Variants in CDK8 observed in about 807,000 individuals in gnomAD.
CDK8 encodes the protein cyclin dependent kinase 8.
A neutral mutation model predicts 71.5 loss-of-function variants in CDK8; 29 were observed. The observed-to-expected ratio is 0.41, with a 90% confidence interval of 0.30 to 0.55. The LOEUF (loss-of-function observed/expected upper bound fraction) is 0.55, where lower values mean the gene tolerates loss of function less well. Ranked by LOEUF, CDK8 falls within the 20% of genes least tolerant of loss-of-function variation. The probability of loss-of-function intolerance (pLI) is 0.37; values close to 1 mark genes in which losing one functional copy is unlikely to be tolerated. For missense variants in CDK8, 288 were observed against 572.6 expected, an observed-to-expected ratio of 0.50 and a Z score of 5.07; for synonymous variants, 161 against 192.1, an observed-to-expected ratio of 0.84 and a Z score of 1.34.
intron 9 of CDK8, chr13:26,400,212 C>T: frequency 4.7e-6 from 2 of 422,288 alleles, no homozygotes; most frequent in Non-Finnish European, 8.5e-6. Context: ...GGTGGGGATC[C>T]ATTTGTTTAG....
Position 26,283,674 on chromosome 13 carries a change from C to T in CDK8, c.128+28905C>T, listed in dbSNP as rs968171926. On this transcript the variant is annotated intron_variant, in intron 1 of 12. Transcript: ENST00000381527. The stretch of plus-strand genomic sequence containing the variant: ...CAGCACTTTGGGAGGCTGAGGCGGG[C>T]GGATCACAAGGTCAGGAGTTTGAGA... 7.2e-5 allele frequency among the ~76,000 whole-genome samples: 11 copies of T among 151,838 alleles called. 1 individual carries two copies. The South Asian group carries it at 1.0e-3, about 14-fold the overall frequency.
intron 1 of CDK8, among the ~76,000 whole-genome samples, chr13:26,310,022 C>T (rs1874215335): frequency 6.6e-6 from 1 of 152,196 alleles, no homozygotes; most frequent in South Asian, 2.1e-4. Context: ...TCCGAAAGTG[C>T]TAGAATTACA....
chr13:26,330,633 A>AT (rs34189682), intron 1 of CDK8, among the ~76,000 whole-genome samples: 103 of 148,822 alleles, frequency 6.9e-4, no homozygotes, highest in African/African-American at 2.2e-3. Context: ...ACGTGTTCAC[A>AT]TTTTTTTTTT....
intron 2 of CDK8, among the ~76,000 whole-genome samples, chr13:26,341,386 A>G (rs1009761031): frequency 4.6e-5 from 7 of 152,076 alleles, no homozygotes; most frequent in African/African-American, 1.4e-4. Context: ...TGGCCTCCCA[A>G]AGTTCTGGGA....
chr13:26,307,809 G>A (rs1874111528), intron 1 of CDK8, among the ~76,000 whole-genome samples: 2 of 152,098 alleles, frequency 1.3e-5, no homozygotes, highest in Admixed American at 1.3e-4. Flanking sequence ...AACTTCATAA[G>A]AACGGTACCT....
intron 1 of CDK8, among the ~76,000 whole-genome samples, chr13:26,267,047 A>AT (rs1473997547): frequency 6.6e-6 from 1 of 152,142 alleles, no homozygotes; most frequent in Middle Eastern, 3.2e-3. Context: ...ATGATCTTAC[A>AT]TTTTTTCATT....
intron 1 of CDK8, among the ~76,000 whole-genome samples, chr13:26,280,109 A>G (rs1412321771): frequency 6.6e-6 from 1 of 152,208 alleles, no homozygotes; most frequent in Non-Finnish European, 1.5e-5. Context: ...ATTTTTCAAA[A>G]CATGATTTTT....
rs371629505 is a variant in CDK8, at chr13:26,336,239, A to G, written c.129-1328A>G. On this transcript the variant is annotated intron_variant, in intron 1 of 12. Coordinates refer to ENST00000381527, the MANE Select transcript of CDK8 (RefSeq NM_001260.3). ...CTTTCAGAGGGTCTGTAAGGTCAAC[A>G]CTATTTTTGTAATAATACTATGATA... 1.1e-4 allele frequency among the ~76,000 whole-genome samples: 17 copies of G among 152,062 alleles called. No individual in the cohort carries two copies. In the East Asian group the frequency reaches 1.5e-3, roughly 14 times the overall value.
intron 1 of CDK8, among the ~76,000 whole-genome samples, chr13:26,314,471 T>C (rs996624997): frequency 2.0e-5 from 3 of 152,362 alleles, no homozygotes; most frequent in East Asian, 1.9e-4. Context: ...ATAGTTTTGA[T>C]GTTTGTAGTT....
chr13:26,273,966 A>G (rs1320543212), intron 1 of CDK8, among the ~76,000 whole-genome samples: 1 of 152,150 alleles, frequency 6.6e-6, no homozygotes, highest in Non-Finnish European at 1.5e-5. Flanking sequence ...CATGTCACTA[A>G]TCATCTTTCT....
intron 4 of CDK8, among the ~76,000 whole-genome samples, chr13:26,372,507 T>A (rs1874737520): frequency 6.6e-6 from 1 of 152,228 alleles, no homozygotes; most frequent in South Asian, 2.1e-4. Context: ...TTACATAGTT[T>A]GTGTGTATAA....
intron 1 of CDK8, among the ~76,000 whole-genome samples, chr13:26,271,804 G>GTTTT (rs1872332987): frequency 1.6e-5 from 1 of 64,364 alleles, no homozygotes; most frequent in African/African-American, 6.8e-5. Context: ...GTGAGACCCT[G>GTTTT]TCTTTTTTTT....
intron 1 of CDK8, among the ~76,000 whole-genome samples, chr13:26,331,126 T>C (rs1875296287): frequency 6.6e-6 from 1 of 152,230 alleles, no homozygotes; most frequent in Non-Finnish European, 1.5e-5. Context: ...GTCTTTTTAA[T>C]GAATGCCATC....
chr13:26,262,199 A>G (rs1871799849), intron 1 of CDK8, among the ~76,000 whole-genome samples: 9 of 152,258 alleles, frequency 5.9e-5, no homozygotes, highest in Admixed American at 5.9e-4. Flanking sequence ...GTCACCCTGC[A>G]AAACATAGTC....
intron 1 of CDK8, among the ~76,000 whole-genome samples, chr13:26,319,572 C>T (rs1015779803): frequency 1.3e-5 from 2 of 151,690 alleles, no homozygotes; most frequent in Admixed American, 6.6e-5. Flanking sequence ...AGACATAAGT[C>T]GATGGAAACA....
At chr13:26,306,176 C>T (rs779535887) in intron 1 of CDK8, among the ~76,000 whole-genome samples, 1 of 152,156 alleles carries the variant, frequency 6.6e-6, no homozygotes, top group Non-Finnish European at 1.5e-5. Context: ...GTTCATATTA[C>T]TGTTAGAGGA....
At chr13:26,288,740 C>G (rs1873148077) in intron 1 of CDK8, among the ~76,000 whole-genome samples, 2 of 151,930 alleles carry the variant, frequency 1.3e-5, no homozygotes, top group South Asian at 4.1e-4. Flanking sequence ...TTAGGACTTT[C>G]ATTTCTCCAA....
In CDK8 at chr13:26,404,397, A is replaced by G; in HGVS notation, c.*316A>G. On this transcript the variant is annotated 3_prime_UTR_variant, in exon 13 of 13. Transcript: ENST00000381527. ...CAGTCTGTAGCAGTTGAAGCTGTGAATGTGCTAGGGGCAAGCATTTGTCTT... is the reference window on the plus strand; with the variant it reads ...CAGTCTGTAGCAGTTGAAGCTGTGAGTGTGCTAGGGGCAAGCATTTGTCTT... 1 of 301,350 alleles carries G rather than the reference A, an allele frequency of 3.3e-6. No individual in the cohort carries two copies. Among genetic ancestry groups the G allele is most frequent in the Admixed American group, 4.6e-5 (1 of 21,806 alleles). 18.7% of individuals were successfully genotyped at this position (301,350 alleles called of 1,614,324 possible).
intron 1 of CDK8, among the ~76,000 whole-genome samples, chr13:26,281,337 A>G (rs79125799): frequency 0.046 from 7,072 of 152,332 alleles, 232 homozygotes; most frequent in Non-Finnish European, 0.066. Flanking sequence ...TGCAAGTACC[A>G]GCTCAGAGTC....
Sources: allele counts gnomAD v4.1 joint callset (sites outside exome capture counted in the v4.1 genomes callset), GRCh38; gene constraint gnomAD v4.1.1; transcripts MANE v1.5; gene names NCBI Gene and HGNC (gene_info 2026-07-23, HGNC 2026-07-21).